FCN1: variants seen among roughly 807,000 people sequenced by gnomAD.
FCN1 encodes ficolin 1.
A neutral mutation model predicts 35.6 loss-of-function variants in FCN1; 42 were observed. The observed-to-expected ratio is 1.18, with a 90% confidence interval of 0.92 to 1.53. The LOEUF (loss-of-function observed/expected upper bound fraction) is 1.53, where lower values mean the gene tolerates loss of function less well. FCN1 is among the 40% of genes most tolerant of loss of function. The probability of loss-of-function intolerance (pLI) is 0.00; values close to 1 mark genes in which losing one functional copy is unlikely to be tolerated. For synonymous variants in FCN1, 179 were observed against 169.8 expected (o/e 1.05, Z -0.42); for missense variants, 439 against 428.4 (o/e 1.02, Z -0.22).
In FCN1 at chr9:134,909,429, C is replaced by A; in HGVS notation, c.*369G>T. 1.5e-6 allele frequency: 2 copies of A among 1,291,242 alleles called. No homozygotes were observed. Among genetic ancestry groups the A allele is most frequent in the Non-Finnish European group, 2.0e-6 (2 of 989,076 alleles). 80.0% of individuals were successfully genotyped at this position (1,291,242 alleles called of 1,614,324 possible). ...AGGTGGAAAATCCTCGCAAAAGTCA[C>A]TCAACCTCCCTGAACATCGGTAGTG... On this transcript the variant is annotated 3_prime_UTR_variant, in exon 9 of 9. Coordinates refer to ENST00000371806, the MANE Select transcript of FCN1 (RefSeq NM_002003.5).
intron 7 of FCN1, 148 bp from the exon 8 acceptor site, chr9:134,911,415 G>A: frequency 7.5e-6 from 5 of 663,058 alleles, no homozygotes; most frequent in Non-Finnish European, 1.3e-5. Flanking sequence ...CACCATCTCA[G>A]CTCACTGCAA....
intron 2 of FCN1, 68 bp downstream of exon 2, chr9:134,916,280 C>T: frequency 8.2e-7 from 1 of 1,214,480 alleles, no homozygotes; most frequent in Non-Finnish European, 1.2e-6. Context: ...AACTCTGCAT[C>T]CAGTTTCATA....
In FCN1 at chr9:134,905,572, C is replaced by G. The variant is rs1830932629; in HGVS notation, c.*4226G>C. ...GATCTCGGCTCACTTCAACCTCTGC[C>G]TCCTGGGTTCACGCCATTCTCCTGC... On this transcript the variant is annotated 3_prime_UTR_variant, in exon 9 of 9. Coordinates refer to ENST00000371806, the MANE Select transcript of FCN1 (RefSeq NM_002003.5). Among the ~76,000 whole-genome samples the G allele has an allele frequency of 6.6e-6, 1 of 151,936 alleles. No homozygotes were observed. Among genetic ancestry groups the G allele is most frequent in the South Asian group, 2.1e-4 (1 of 4,810 alleles).
chr9:134,917,368 A>G (rs759104363), intron 1 of FCN1, among the ~76,000 whole-genome samples: 12 of 152,172 alleles, frequency 7.9e-5, no homozygotes, highest in Non-Finnish European at 1.5e-4. Flanking sequence ...CTTGGAGGAG[A>G]GCCAGAAATC....
At chr9:134,914,552 C>T in intron 3 of FCN1, 132 bp from the exon 4 acceptor site, 3 of 1,025,040 alleles carry the variant, frequency 2.9e-6, no homozygotes, top group Admixed American at 2.0e-5. Context: ...CATCACAACG[C>T]CCAGGTCTCA....
intron 3 of FCN1, 80 bp downstream of exon 3, chr9:134,914,676 T>G: frequency 9.6e-7 from 1 of 1,042,140 alleles, no homozygotes; most frequent in Non-Finnish European, 1.5e-6. Flanking sequence ...TCTCTGTCTC[T>G]GTCTCTCCCT....
rs1831001316 is a variant in FCN1 at position 134,909,957 on chromosome 9, GAACTTC to G, written c.816_821del (p.Glu272_Phe274delinsAsp). ...AGTCGGCGTACCACCAGGCTCCTTG[GAACTTC>G]TCAGCACAATTCGAAGAACTCACAT... On this transcript the variant is annotated inframe_deletion, in exon 9 of 9. Coordinates refer to ENST00000371806, the MANE Select transcript of FCN1 (RefSeq NM_002003.5). 1 of 1,614,170 alleles carries G rather than the reference GAACTTC, an allele frequency of 6.2e-7. No individual in the cohort carries two copies. Among genetic ancestry groups the G allele is most frequent in the East Asian group, 2.2e-5 (1 of 44,880 alleles).
rs778820423 is a variant in FCN1, at chr9:134,914,829, A to G, written c.218-20T>C. 7.5e-6 allele frequency: 12 copies of G among 1,603,670 alleles called. No individual in the cohort carries two copies. In the South Asian group the frequency reaches 1.2e-4, roughly 16 times the overall value. Reference sequence around the variant, plus strand: ...GTTCTCCTGAAAATTCCAAAGACATATCACTGAGAAAAATGCAACCTAAAC... The same window carrying G: ...GTTCTCCTGAAAATTCCAAAGACATGTCACTGAGAAAAATGCAACCTAAAC... On this transcript the variant is annotated intron_variant, in intron 2 of 8. Coordinates refer to ENST00000371806, the MANE Select transcript of FCN1 (RefSeq NM_002003.5).
At chr9:134,911,511 C>CTT (rs34347752) in intron 7 of FCN1, among the ~76,000 whole-genome samples, 1 of 144,280 alleles carries the variant, frequency 6.9e-6, no homozygotes, top group Non-Finnish European at 1.5e-5. Context: ...CACACAGCTA[C>CTT]TTTTTTTTTT....
At chr9:134,914,541 G>A (rs1359567243) in intron 3 of FCN1, 121 bp from the exon 4 acceptor site, 2 of 1,067,260 alleles carry the variant, frequency 1.9e-6, no homozygotes, top group Admixed American at 1.9e-5. Flanking sequence ...GCTCACTAAG[G>A]CATCACAACG....
Position 134,909,526 on chromosome 9 carries a change from A to G in FCN1, c.*272T>C. 7.3e-7 allele frequency: 1 copy of G among 1,377,802 alleles called. No homozygotes were observed. Among genetic ancestry groups the G allele is most frequent in the South Asian group, 1.2e-5 (1 of 81,828 alleles). 85.3% of individuals were successfully genotyped at this position (1,377,802 alleles called of 1,614,324 possible). On this transcript the variant is annotated 3_prime_UTR_variant, in exon 9 of 9. Transcript: ENST00000371806. Reference sequence around the variant, plus strand: ...CAGGGAAAGACCTGCCGTGCAACAGACACAGGAAAGTGATCAAAACCACTG... The same window carrying G: ...CAGGGAAAGACCTGCCGTGCAACAGGCACAGGAAAGTGATCAAAACCACTG...
chr9:134,915,967 G>C (rs927794199), intron 2 of FCN1, among the ~76,000 whole-genome samples: 1 of 152,186 alleles, frequency 6.6e-6, no homozygotes, highest in Non-Finnish European at 1.5e-5. Flanking sequence ...TGACCTCTTT[G>C]AGTCTCAGTT....
chr9:134,906,984 A>C lies in FCN1; in HGVS notation c.*2814T>G, dbSNP rs1183599988. 1.3e-5 allele frequency: 2 copies of C among 152,138 alleles called. No individual in the cohort carries two copies. Among genetic ancestry groups the C allele is most frequent in the Non-Finnish European group, 2.9e-5 (2 of 68,028 alleles). 9.4% of individuals were successfully genotyped at this position (152,138 alleles called of 1,614,324 possible). A position where few individuals can be genotyped will look rare whatever the true frequency, so the allele number is the denominator to read the frequency against. On this transcript the variant is annotated 3_prime_UTR_variant, in exon 9 of 9. Coordinates refer to ENST00000371806, the MANE Select transcript of FCN1 (RefSeq NM_002003.5). Reference sequence around the variant, plus strand: ...CTACTTGGGAGGCTGAAGCATGAGAATCTCTTGAACCTGGGAGGTGGAGAT... The same window carrying C: ...CTACTTGGGAGGCTGAAGCATGAGACTCTCTTGAACCTGGGAGGTGGAGAT...
In FCN1 at chr9:134,914,746, C is replaced by T; in HGVS notation, c.271+10G>A. 4.4e-6 allele frequency: 7 copies of T among 1,608,346 alleles called. No homozygotes were observed. The highest frequency in any genetic ancestry group is 6.0e-6 in the Non-Finnish European group (7 of 1,175,982). On this transcript the variant is annotated intron_variant, in intron 3 of 8. Coordinates refer to ENST00000371806, the MANE Select transcript of FCN1 (RefSeq NM_002003.5). ...GCTCAAGGCCTCCTCGCTGTCTGTC[C>T]CCTGGTTACCTTTGGGCCCCACTGG...
At chr9:134,911,334 G>A in intron 7 of FCN1, 67 bp from the exon 8 acceptor site, 3 of 1,393,432 alleles carry the variant, frequency 2.2e-6, no homozygotes, top group East Asian at 2.3e-5. Context: ...GAGGGCTGGG[G>A]ATGGGTAATT....
Position 134,908,254 on chromosome 9 carries a change from T to C in FCN1, c.*1544A>G, listed in dbSNP as rs1830978879. On this transcript the variant is annotated 3_prime_UTR_variant, in exon 9 of 9. Coordinates refer to ENST00000371806, the MANE Select transcript of FCN1 (RefSeq NM_002003.5). ...ATCTTCTGTGAAGTGTCTGTTCACA[T>C]CTCATACCTTTTTTTATTTAACTGA... 1 of 152,262 alleles carries C rather than the reference T, an allele frequency of 6.6e-6. No individual in the cohort carries two copies. The highest frequency in any genetic ancestry group is 6.5e-5 in the Admixed American group (1 of 15,284). 9.4% of individuals were successfully genotyped at this position (152,262 alleles called of 1,614,324 possible).
rs1831092555 is a variant in FCN1 at position 134,916,400 on chromosome 9, C to T, written c.165G>A (p.Gly55=). Residue 55 remains glycine (G), a synonymous_variant, in exon 2 of 9, where the codon GGG becomes GGA. Transcript: ENST00000371806. The part of the protein sequence containing the change: ...DKLTILRGCP[G]LPGAPGPKGE... The stretch of plus-strand genomic sequence containing the variant: ...CCTTTGGCCCTGGGGCCCCGGGCAG[C>T]CCCGGGCAGCCTCGGAGAATGGTGA... The T allele has an allele frequency of 1.2e-6, 2 of 1,614,092 alleles. No homozygotes were observed. Among genetic ancestry groups the T allele is most frequent in the Non-Finnish European group, 1.7e-6 (2 of 1,180,052 alleles).
chr9:134,911,053 A>C, intron 8 of FCN1, 80 bp downstream of exon 8: 1 of 1,451,200 alleles, frequency 6.9e-7, no homozygotes, highest in African/African-American at 1.4e-5. Context: ...GGAGGGCCCA[A>C]GGTCACCAGG....
rs1436794588 is a variant in FCN1, at chr9:134,908,701, C to A, written c.*1097G>T. ...CCTGGGGCTGGAAAAGGCAAGGAAG[C>A]AGGTTCTCCCCTAGAACCCTGGAAG... On this transcript the variant is annotated 3_prime_UTR_variant, in exon 9 of 9. Transcript: ENST00000371806. The A allele has an allele frequency of 1.3e-5, 2 of 154,366 alleles. No homozygotes were observed. Among genetic ancestry groups the A allele is most frequent in the Non-Finnish European group, 2.9e-5 (2 of 69,682 alleles). The allele number at this position is 154,366 out of a possible 1,614,324, so 9.6% of individuals were successfully genotyped here.
Sources: gnomAD v4.1 joint callset for allele counts (sites outside exome capture counted in the v4.1 genomes callset) on GRCh38, gnomAD v4.1.1 for gene constraint, MANE v1.5 for transcripts, NCBI Gene and HGNC (gene_info 2026-07-23, HGNC 2026-07-21) for gene names.